NR3C2: variants seen among roughly 807,000 people sequenced by gnomAD.
The protein encoded by NR3C2 is nuclear receptor subfamily 3 group C member 2.
NR3C2 carries 15 observed loss-of-function variants against 86.4 expected under a neutral mutation model. That is an observed-to-expected ratio of 0.17 (90% CI 0.12 to 0.27). NR3C2 has a LOEUF of 0.27. Ranked by LOEUF, NR3C2 falls within the 10% of genes least tolerant of loss-of-function variation. The pLI is 1.00. For missense variants in NR3C2, 960 were observed against 1,195.6 expected, an observed-to-expected ratio of 0.80 and a Z score of 2.91; for synonymous variants, 458 against 450.5, an observed-to-expected ratio of 1.02 and a Z score of -0.21.
At chr4:148,095,147 G>T (rs543775988) in intron 8 of NR3C2, among the ~76,000 whole-genome samples, 1 of 147,052 alleles carries the variant, frequency 6.8e-6, no homozygotes, top group Non-Finnish European at 1.5e-5. Context: ...ACTTAAAATG[G>T]ATAAAATGGT....
chr4:148,135,857 C>A (rs1239501568), intron 6 of NR3C2, among the ~76,000 whole-genome samples: 1 of 151,112 alleles, frequency 6.6e-6, no homozygotes, highest in Non-Finnish European at 1.5e-5. Flanking sequence ...GAGATCGAGA[C>A]CATCCCGGCT....
At chr4:148,433,046 A>G (rs1406605702) in intron 2 of NR3C2, among the ~76,000 whole-genome samples, 8 of 152,188 alleles carry the variant, frequency 5.3e-5, no homozygotes, top group African/African-American at 1.7e-4. Context: ...TGGAATACTC[A>G]AGAGGAGACA....
intron 3 of NR3C2, among the ~76,000 whole-genome samples, chr4:148,209,791 G>C (rs1174995431): frequency 6.6e-6 from 1 of 152,130 alleles, no homozygotes; most frequent in Non-Finnish European, 1.5e-5. Context: ...TGCCCTTCCA[G>C]GTCTGCCATC....
intron 2 of NR3C2, among the ~76,000 whole-genome samples, chr4:148,323,313 A>C (rs1036328149): frequency 2.0e-5 from 3 of 147,308 alleles, no homozygotes; most frequent in African/African-American, 7.7e-5. Context: ...AAGTCTGCAG[A>C]GGTTACTGCT....
At chr4:148,117,756 A>G (rs1320321744) in intron 7 of NR3C2, among the ~76,000 whole-genome samples, 3 of 152,176 alleles carry the variant, frequency 2.0e-5, no homozygotes, top group African/African-American at 7.2e-5. Context: ...TGCTGGAAAC[A>G]ACAGCTCTTC....
intron 2 of NR3C2, among the ~76,000 whole-genome samples, chr4:148,266,936 C>T (rs1209908670): frequency 6.6e-6 from 1 of 152,166 alleles, no homozygotes; most frequent in East Asian, 1.9e-4. Context: ...TAACTGATAT[C>T]TAAGATGGGG....
intron 2 of NR3C2, among the ~76,000 whole-genome samples, chr4:148,361,828 T>TTTGTTGTTG (rs10528442): frequency 7.2e-5 from 11 of 151,994 alleles, no homozygotes; most frequent in South Asian, 2.1e-4. Flanking sequence ...ACCCTAAAGT[T>TTTGTTGTTG]TTGTTGTTAT....
intron 2 of NR3C2, among the ~76,000 whole-genome samples, chr4:148,274,089 A>G (rs1046038711): frequency 2.7e-5 from 4 of 147,190 alleles, no homozygotes; most frequent in Admixed American, 1.4e-4. Flanking sequence ...GCTCATGAGA[A>G]AAAAAAAAAA....
intron 2 of NR3C2, among the ~76,000 whole-genome samples, chr4:148,409,605 TA>T (rs1748595010): frequency 6.6e-6 from 1 of 152,254 alleles, no homozygotes; most frequent in African/African-American, 2.4e-5. Context: ...ATTAGCTACC[TA>T]AAAAATTATC....
At chr4:148,395,575 T>C (rs1274008867) in intron 2 of NR3C2, among the ~76,000 whole-genome samples, 1 of 152,200 alleles carries the variant, frequency 6.6e-6, no homozygotes, top group Admixed American at 6.5e-5. Flanking sequence ...TAATACCAAA[T>C]GTGTGTGCTA....
intron 2 of NR3C2, among the ~76,000 whole-genome samples, chr4:148,417,691 CAA>C (rs1329456944): frequency 1.3e-5 from 2 of 152,144 alleles, no homozygotes; most frequent in Non-Finnish European, 2.9e-5. Flanking sequence ...ACCCACAGAG[CAA>C]AAACTCTCAT....
At chr4:148,369,122 C>G (rs893452661) in intron 2 of NR3C2, among the ~76,000 whole-genome samples, 7 of 152,222 alleles carry the variant, frequency 4.6e-5, no homozygotes, top group African/African-American at 1.7e-4. Context: ...TGGCAACTAC[C>G]TGTCAGCAGA....
chr4:148,393,116 C>A (rs1406419305), intron 2 of NR3C2, among the ~76,000 whole-genome samples: 2 of 152,142 alleles, frequency 1.3e-5, no homozygotes, highest in Admixed American at 1.3e-4. Context: ...TTAGATTTCC[C>A]AGCAATTCAC....
intron 3 of NR3C2, 30 bp downstream of exon 3, chr4:148,259,948 T>C (rs779441563): frequency 1.9e-6 from 3 of 1,613,910 alleles, no homozygotes; most frequent in East Asian, 4.5e-5. Flanking sequence ...GGAAAAAATA[T>C]GTAAAAGGAA....
At chr4:148,438,061 A>G (rs1382130695) in intron 1 of NR3C2, among the ~76,000 whole-genome samples, 3 of 152,234 alleles carry the variant, frequency 2.0e-5, no homozygotes, top group African/African-American at 7.2e-5. Context: ...AAATAATACA[A>G]GTGTGAAAAC....
intron 3 of NR3C2, among the ~76,000 whole-genome samples, chr4:148,246,715 C>A (rs551417152): frequency 6.6e-6 from 1 of 152,028 alleles, no homozygotes; most frequent in Non-Finnish European, 1.5e-5. Flanking sequence ...CCACGCCAGG[C>A]TAATTTTTTG....
At chr4:148,323,596 A>G (rs1435848503) in intron 2 of NR3C2, among the ~76,000 whole-genome samples, 1 of 152,012 alleles carries the variant, frequency 6.6e-6, no homozygotes, top group Non-Finnish European at 1.5e-5. Flanking sequence ...CCGTTTTTTC[A>G]GCCCGTCGGA....
At chr4:148,371,232 T>G (rs1746403474) in intron 2 of NR3C2, among the ~76,000 whole-genome samples, 1 of 152,244 alleles carries the variant, frequency 6.6e-6, no homozygotes, top group South Asian at 2.1e-4. Flanking sequence ...TACAACTATA[T>G]TTTACTATAG....
At chr4:148,278,568 C>A (rs369247745) in intron 2 of NR3C2, among the ~76,000 whole-genome samples, 1 of 151,978 alleles carries the variant, frequency 6.6e-6, no homozygotes, top group Non-Finnish European at 1.5e-5. Flanking sequence ...AATACACGTG[C>A]GTGCGCGCGC....
Sources: allele counts gnomAD v4.1 joint callset (sites outside exome capture counted in the v4.1 genomes callset), GRCh38; gene constraint gnomAD v4.1.1; transcripts MANE v1.5; gene names NCBI Gene and HGNC (gene_info 2026-07-23, HGNC 2026-07-21).